The following DGKH variants were observed in gnomAD, a reference collection of about 807,000 sequenced individuals.
DGKH encodes diacylglycerol kinase eta.
A neutral mutation model predicts 159.3 loss-of-function variants in DGKH; 90 were observed. That is an observed-to-expected ratio of 0.57 (90% CI 0.48 to 0.67). DGKH has a LOEUF of 0.67. Among genes scored for constraint, DGKH ranks in the 30% least tolerant of loss-of-function variants. The probability of loss-of-function intolerance (pLI) is 0.00; values close to 1 mark genes in which losing one functional copy is unlikely to be tolerated. For synonymous variants in DGKH, 536 were observed against 553.8 expected, an observed-to-expected ratio of 0.97 and a Z score of 0.45; for missense variants, 1,181 against 1,506.1, an observed-to-expected ratio of 0.78 and a Z score of 3.57.
chr13:42,132,637 C>A, intron 3 of DGKH, among the ~76,000 whole-genome samples: 1 of 152,174 alleles, frequency 6.6e-6, no homozygotes, highest in East Asian at 1.9e-4. Context: ...CACAGTGGCT[C>A]ACACCTGTAA....
chr13:42,040,638 G>C (rs1880431874), intron 1 of DGKH, among the ~76,000 whole-genome samples: 1 of 151,256 alleles, frequency 6.6e-6, no homozygotes, highest in Non-Finnish European at 1.5e-5. Context: ...GCGCAGGGGA[G>C]CGGGACCGTG....
At chr13:42,174,573 C>G (rs779351463) in intron 12 of DGKH, among the ~76,000 whole-genome samples, 1 of 152,200 alleles carries the variant, frequency 6.6e-6, no homozygotes, top group Non-Finnish European at 1.5e-5. Flanking sequence ...GTTTATTCAT[C>G]TTCTACTTTG....
chr13:42,193,341 T>A (rs766949136), intron 16 of DGKH, among the ~76,000 whole-genome samples: 11 of 152,200 alleles, frequency 7.2e-5, no homozygotes, highest in Non-Finnish European at 1.6e-4. Context: ...ACAAATATAG[T>A]GCTGTAAATG....
chr13:42,119,850 G>A (rs926650059), intron 1 of DGKH, among the ~76,000 whole-genome samples: 1 of 152,036 alleles, frequency 6.6e-6, no homozygotes, highest in Non-Finnish European at 1.5e-5. Flanking sequence ...ATACTATCAA[G>A]TCTTGATTTT....
intron 29 of DGKH, among the ~76,000 whole-genome samples, chr13:42,250,792 G>T (rs1431833053): frequency 6.6e-6 from 1 of 152,066 alleles, no homozygotes; most frequent in African/African-American, 2.4e-5. Context: ...CAGCCTAAAG[G>T]CATAAATGTC....
rs184028961 is a variant in DGKH at position 42,156,660 on chromosome 13, A to C, written c.622+861A>C. On this transcript the variant is annotated intron_variant, in intron 5 of 29. Coordinates refer to ENST00000337343, the MANE Select transcript of DGKH (RefSeq NM_178009.5). ...ACTGTTGTATACTACTTTTTGAACT[A>C]TATATGATAATAATAATACCAGCTT... 6.6e-4 allele frequency among the ~76,000 whole-genome samples: 101 copies of C among 152,286 alleles called. 1 individual carries two copies. The highest frequency in any genetic ancestry group is 2.4e-3 in the African/African-American group (98 of 41,564).
intron 29 of DGKH, chr13:42,225,468 G>A: frequency 2.4e-6 from 2 of 835,210 alleles, no homozygotes; most frequent in Admixed American, 6.7e-5. Flanking sequence ...CAGGGAAAGA[G>A]AAAGCTACTC....
intron 3 of DGKH, among the ~76,000 whole-genome samples, chr13:42,136,411 G>A (rs759243641): frequency 9.2e-5 from 14 of 152,120 alleles, no homozygotes; most frequent in East Asian, 3.9e-4. Flanking sequence ...TGTTATTTGC[G>A]AAAGAAGAGC....
At chr13:42,143,767 G>A (rs897276640) in intron 3 of DGKH, among the ~76,000 whole-genome samples, 9 of 151,844 alleles carry the variant, frequency 5.9e-5, no homozygotes, top group Admixed American at 6.6e-5. Context: ...ATTTTTTATT[G>A]TATCTATTTG....
intron 1 of DGKH, among the ~76,000 whole-genome samples, chr13:42,099,502 T>G (rs1313358099): frequency 6.6e-6 from 1 of 152,086 alleles, no homozygotes; most frequent in Non-Finnish European, 1.5e-5. Flanking sequence ...GGAGAAGACC[T>G]GAGAGAGCAG....
intron 1 of DGKH, among the ~76,000 whole-genome samples, chr13:42,126,038 A>G (rs969844862): frequency 2.0e-5 from 3 of 152,190 alleles, no homozygotes; most frequent in African/African-American, 4.8e-5. Flanking sequence ...AAGGGGGTCT[A>G]TTTGAGCCAG....
chr13:42,155,595 C>A, intron 4 of DGKH, 72 bp from the exon 5 acceptor site: 1 of 1,599,728 alleles, frequency 6.3e-7, no homozygotes, highest in Non-Finnish European at 8.5e-7. Flanking sequence ...TAACTATATG[C>A]ATTCCAAACA....
intron 11 of DGKH, among the ~76,000 whole-genome samples, chr13:42,170,699 T>C (rs1956431467): frequency 6.6e-6 from 1 of 152,118 alleles, no homozygotes; most frequent in African/African-American, 2.4e-5. Context: ...TCCCAGCACT[T>C]TGGGAGGCCC....
At chr13:42,128,810 C>T (rs1321362173) in intron 2 of DGKH, among the ~76,000 whole-genome samples, 2 of 152,190 alleles carry the variant, frequency 1.3e-5, no homozygotes, top group Non-Finnish European at 2.9e-5. Flanking sequence ...CTTACAGTCA[C>T]ATTGGTTGAA....
rs191399757 is a variant in DGKH, at chr13:42,225,918, G to A, written c.3574-3181G>A. ...TTGAACTCAAACTAAAACGTCAAAA[G>A]CAATTGCAACAAAAGCCAAAATTGA... On this transcript the variant is annotated intron_variant, in intron 29 of 29. Coordinates refer to ENST00000337343, the MANE Select transcript of DGKH (RefSeq NM_178009.5). 1.5e-3 allele frequency among the ~76,000 whole-genome samples: 229 copies of A among 151,942 alleles called. 1 individual carries two copies. Among genetic ancestry groups the A allele is most frequent in the African/African-American group, 5.2e-3 (214 of 41,462 alleles).
intron 1 of DGKH, among the ~76,000 whole-genome samples, chr13:42,053,785 AT>A (rs1420506590): frequency 1.3e-5 from 2 of 151,566 alleles, no homozygotes; most frequent in Non-Finnish European, 2.9e-5. Context: ...TGCCCAGCTA[AT>A]TTTTTTGTAT....
intron 5 of DGKH, among the ~76,000 whole-genome samples, chr13:42,158,296 T>C: frequency 6.6e-6 from 1 of 152,228 alleles, no homozygotes; most frequent in Admixed American, 6.5e-5. Flanking sequence ...AGGAGATACC[T>C]TTCATTTAAA....
At chr13:42,076,472 A>G (rs1341160206) in intron 1 of DGKH, among the ~76,000 whole-genome samples, 1 of 152,188 alleles carries the variant, frequency 6.6e-6, no homozygotes, top group African/African-American at 2.4e-5. Context: ...AACCCCCAAC[A>G]TAGAGCTGGA....
chr13:42,225,200 G>C (rs890367014), intron 29 of DGKH: 2 of 1,339,448 alleles, frequency 1.5e-6, no homozygotes, highest in Non-Finnish European at 2.0e-6. Flanking sequence ...TGGGATTACT[G>C]GTGTGAGCCA....
Sources: allele counts gnomAD v4.1 joint callset (sites outside exome capture counted in the v4.1 genomes callset), GRCh38; gene constraint gnomAD v4.1.1; transcripts MANE v1.5; gene names NCBI Gene and HGNC (gene_info 2026-07-23, HGNC 2026-07-21).